Variants in CPNE4 observed in about 807,000 individuals in gnomAD.
CPNE4 encodes the protein copine 4.
Under a neutral mutation model 67.9 loss-of-function variants are expected in CPNE4, and 25 were observed. The ratio of observed to expected loss-of-function variants is 0.37; its 90% CI spans 0.27 to 0.51. CPNE4 has a LOEUF of 0.51. Ranked by LOEUF, CPNE4 falls within the 20% of genes least tolerant of loss-of-function variation. The probability of loss-of-function intolerance (pLI) is 0.93; values close to 1 mark genes in which losing one functional copy is unlikely to be tolerated. For synonymous variants in CPNE4, 242 were observed against 244.9 expected, an observed-to-expected ratio of 0.99 and a Z score of 0.11; for missense variants, 464 against 690.8, an observed-to-expected ratio of 0.67 and a Z score of 3.68.
intron 7 of CPNE4, among the ~76,000 whole-genome samples, chr3:131,633,792 C>A (rs1305119254): frequency 1.3e-5 from 2 of 151,512 alleles, no homozygotes; most frequent in African/African-American, 4.9e-5. Context: ...ACAGAATAAA[C>A]CCAAAGAAAG....
intron 2 of CPNE4, among the ~76,000 whole-genome samples, chr3:131,862,270 C>CT (rs1426912689): frequency 7.2e-5 from 11 of 152,074 alleles, no homozygotes; most frequent in African/African-American, 2.7e-4. Flanking sequence ...ACAATATTTC[C>CT]TGGTACAAAA....
intron 2 of CPNE4, among the ~76,000 whole-genome samples, chr3:131,768,865 G>A (rs1583168433): frequency 6.6e-6 from 1 of 152,094 alleles, no homozygotes; most frequent in South Asian, 2.1e-4. Context: ...CTCTCTTAAA[G>A]TGATTTGCTT....
At chr3:131,657,580 G>T (rs1385509929) in intron 7 of CPNE4, among the ~76,000 whole-genome samples, 4 of 145,870 alleles carry the variant, frequency 2.7e-5, no homozygotes, top group African/African-American at 1.0e-4. Context: ...CTGTCGCCAG[G>T]CTGGAGAGCA....
chr3:131,617,474 G>C (rs577539222), intron 7 of CPNE4, among the ~76,000 whole-genome samples: 2 of 152,160 alleles, frequency 1.3e-5, no homozygotes, highest in Non-Finnish European at 2.9e-5. Context: ...AAAGATCGGA[G>C]GTGAGGCCTC....
At chr3:131,844,041 G>A (rs547455553) in intron 2 of CPNE4, among the ~76,000 whole-genome samples, 1 of 152,222 alleles carries the variant, frequency 6.6e-6, no homozygotes, top group Admixed American at 6.6e-5. Flanking sequence ...GAAAGATGGA[G>A]AGGGAAAATT....
At chr3:132,028,785 G>A (rs2074173436) in intron 1 of CPNE4, among the ~76,000 whole-genome samples, 2 of 151,770 alleles carry the variant, frequency 1.3e-5, no homozygotes, top group African/African-American at 2.4e-5. Flanking sequence ...ATTAAAATGT[G>A]CTGTAAGTAT....
intron 2 of CPNE4, among the ~76,000 whole-genome samples, chr3:131,854,846 C>T (rs2086376961): frequency 6.6e-6 from 1 of 151,168 alleles, no homozygotes; most frequent in Non-Finnish European, 1.5e-5. Context: ...ACTTCCTTTC[C>T]TTCTTTTTCT....
intron 2 of CPNE4, among the ~76,000 whole-genome samples, chr3:131,875,875 T>C (rs1331884688): frequency 6.6e-6 from 1 of 152,108 alleles, no homozygotes; most frequent in African/African-American, 2.4e-5. Flanking sequence ...ACAAAGACAA[T>C]CTGTTTAAGA....
chr3:132,021,726 C>T (rs561287922), intron 1 of CPNE4, among the ~76,000 whole-genome samples: 1 of 152,126 alleles, frequency 6.6e-6, no homozygotes, highest in African/African-American at 2.4e-5. Flanking sequence ...TCAAGTTTGC[C>T]TTAATCAGAT....
chr3:131,792,696 C>CACACGTGTGTATATATGT (rs1560322840), intron 2 of CPNE4, among the ~76,000 whole-genome samples: 1 of 44,534 alleles, frequency 2.2e-5, no homozygotes, highest in Non-Finnish European at 4.3e-5. Context: ...TGTATATATA[C>CACACGTGTGTATATATGT]ATATACACAC....
intron 1 of CPNE4, among the ~76,000 whole-genome samples, chr3:132,032,083 C>T (rs1399106001): frequency 6.6e-6 from 1 of 152,128 alleles, no homozygotes; most frequent in East Asian, 1.9e-4. Flanking sequence ...TTAAGACAAA[C>T]CAATAATTCA....
chr3:131,748,252 A>G (rs2082540712), intron 2 of CPNE4, among the ~76,000 whole-genome samples: 1 of 151,980 alleles, frequency 6.6e-6, no homozygotes, highest in Admixed American at 6.6e-5. Flanking sequence ...CAAATTTTAA[A>G]CCAATCTTTG....
At chr3:131,818,778 A>G (rs1205745798) in intron 2 of CPNE4, among the ~76,000 whole-genome samples, 1 of 152,198 alleles carries the variant, frequency 6.6e-6, no homozygotes, top group Non-Finnish European at 1.5e-5. Context: ...GAATCCTGAC[A>G]TGACCTGCCA....
chr3:131,758,212 G>A (rs1359547163), intron 2 of CPNE4, among the ~76,000 whole-genome samples: 2 of 152,268 alleles, frequency 1.3e-5, no homozygotes, highest in South Asian at 2.1e-4. Flanking sequence ...GACACTCAAT[G>A]CCAGCCCATG....
At chr3:131,549,791 T>A (rs113885023) in intron 14 of CPNE4, among the ~76,000 whole-genome samples, 156 bp downstream of exon 14, 29 of 152,268 alleles carry the variant, frequency 1.9e-4, no homozygotes, top group African/African-American at 5.5e-4. Flanking sequence ...ATGTTTCAGA[T>A]GTCAAGACTG....
chr3:131,720,665 T>C (rs2081860045), intron 3 of CPNE4, among the ~76,000 whole-genome samples: 1 of 152,148 alleles, frequency 6.6e-6, no homozygotes. Flanking sequence ...CAGGATGAAA[T>C]ATCTGTAATG....
intron 7 of CPNE4, among the ~76,000 whole-genome samples, chr3:131,650,820 A>ATAG (rs1035981570): frequency 1.3e-5 from 2 of 151,722 alleles, no homozygotes; most frequent in Non-Finnish European, 2.9e-5. Context: ...TATTAGTATA[A>ATAG]TAGTAAATGC....
intron 2 of CPNE4, among the ~76,000 whole-genome samples, chr3:131,743,420 A>T (rs1467679759): frequency 6.6e-6 from 1 of 152,224 alleles, no homozygotes; most frequent in Non-Finnish European, 1.5e-5. Context: ...AATTAATTTC[A>T]TGGTACAAGC....
chr3:131,784,285 C>G (rs536274740), intron 2 of CPNE4, among the ~76,000 whole-genome samples: 23 of 152,106 alleles, frequency 1.5e-4, no homozygotes, highest in Middle Eastern at 3.4e-3. Flanking sequence ...AAATTTTCCT[C>G]TTAGTAAATC....
Sources: allele counts gnomAD v4.1 joint callset (sites outside exome capture counted in the v4.1 genomes callset), GRCh38; gene constraint gnomAD v4.1.1; transcripts MANE v1.5; gene names NCBI Gene and HGNC (gene_info 2026-07-23, HGNC 2026-07-21).